The following PRDM15 variants were observed in gnomAD, a reference collection of about 807,000 sequenced individuals.
PRDM15 encodes PR domain zinc finger protein 15.
In PRDM15, 64 loss-of-function variants were observed where a neutral mutation model predicts 128.6. That is an observed-to-expected ratio of 0.50 (90% CI 0.41 to 0.61). The LOEUF (loss-of-function observed/expected upper bound fraction) is 0.61, where lower values mean the gene tolerates loss of function less well. PRDM15 is among the 20% of genes least tolerant of loss of function. The probability of loss-of-function intolerance (pLI) is 0.00; values close to 1 mark genes in which losing one functional copy is unlikely to be tolerated. For missense variants in PRDM15, 1,242 were observed against 1,569.1 expected (o/e 0.79, Z 3.52); for synonymous variants, 615 against 621.8 (o/e 0.99, Z 0.16).
chr21:41,827,402 A>G (rs2062509032), intron 12 of PRDM15, among the ~76,000 whole-genome samples: 1 of 152,194 alleles, frequency 6.6e-6, no homozygotes, highest in Non-Finnish European at 1.5e-5. Context: ...TGCTCTGGAA[A>G]GCAGTGATGC....
intron 18 of PRDM15, among the ~76,000 whole-genome samples, chr21:41,818,255 G>A (rs1197863162): frequency 6.6e-6 from 1 of 152,232 alleles, no homozygotes; most frequent in Non-Finnish European, 1.5e-5. Context: ...AAGGCAGGCA[G>A]ACACTGCTAC....
intron 1 of PRDM15, among the ~76,000 whole-genome samples, chr21:41,873,264 T>C (rs1569028899): frequency 6.6e-6 from 1 of 152,198 alleles, no homozygotes; most frequent in African/African-American, 2.4e-5. Flanking sequence ...CATTTTCCCG[T>C]AGTTTCCGTA....
intron 1 of PRDM15, chr21:41,867,294 C>T (rs893101104): frequency 3.7e-6 from 6 of 1,611,322 alleles, no homozygotes; most frequent in Non-Finnish European, 5.1e-6. Context: ...CTACTCTAGC[C>T]CTGACCTCCT....
At chr21:41,816,303 C>T (rs1328524030) in intron 18 of PRDM15, among the ~76,000 whole-genome samples, 1 of 152,248 alleles carries the variant, frequency 6.6e-6, no homozygotes, top group East Asian at 1.9e-4. Flanking sequence ...CAAAGCCTCA[C>T]TCACACAGCC....
intron 1 of PRDM15, among the ~76,000 whole-genome samples, chr21:41,864,586 G>A (rs773072590): frequency 2.6e-5 from 4 of 151,830 alleles, no homozygotes; most frequent in Admixed American, 6.6e-5. Flanking sequence ...GACCTCTCTC[G>A]CCTCCCTCTG....
At chr21:41,843,568 C>T (rs943401647) in intron 6 of PRDM15, among the ~76,000 whole-genome samples, 1 of 152,210 alleles carries the variant, frequency 6.6e-6, no homozygotes, top group Non-Finnish European at 1.5e-5. Context: ...ACTCCTTTCC[C>T]AAACTCTCCT....
chr21:41,821,751 C>T lies in PRDM15; in HGVS notation c.1896+152G>A, dbSNP rs1323244641. On this transcript the variant is annotated intron_variant, in intron 15 of 23. Coordinates refer to ENST00000398548, the MANE Select transcript of PRDM15 (RefSeq NM_001040424.3). The surrounding 1 kb of genome is among the most constrained non-coding windows in gnomAD (Gnocchi z 5.4). The stretch of plus-strand genomic sequence containing the variant: ...CCAGGCACAAGTGATGGACAGGCAC[C>T]CAGTCTGCAGTAGGACCACTGGCCG... 4 of 906,414 alleles carry T rather than the reference C, an allele frequency of 4.4e-6. No individual in the cohort carries two copies. The East Asian group carries it at 1.0e-4, about 23-fold the overall frequency. The allele number at this position is 906,414 out of a possible 1,614,324, so 56.1% of individuals were successfully genotyped here.
At chr21:41,875,464 C>A (rs746105585) in intron 1 of PRDM15, among the ~76,000 whole-genome samples, 4 of 152,250 alleles carry the variant, frequency 2.6e-5, no homozygotes, top group Non-Finnish European at 4.4e-5. Context: ...AACTGTTCAT[C>A]CCTGTTTTAA....
chr21:41,834,530 G>T (rs767480821), intron 11 of PRDM15: 2 of 1,550,242 alleles, frequency 1.3e-6, no homozygotes, highest in Non-Finnish European at 1.7e-6. Flanking sequence ...GCCGACTGCC[G>T]CCGGGCCCCC....
chr21:41,868,694 C>CTTT (rs55653735), intron 1 of PRDM15, among the ~76,000 whole-genome samples: 32,939 of 124,872 alleles, frequency 0.26, 5,053 homozygotes, highest in South Asian at 0.3. Context: ...TTTTCTTTTT[C>CTTT]TTTTTTTTTT....
chr21:41,808,386 C>T (rs1177648330), intron 21 of PRDM15, among the ~76,000 whole-genome samples: 1 of 152,204 alleles, frequency 6.6e-6, no homozygotes. Context: ...CCCTGGCTTC[C>T]CGGACTGGAG....
chr21:41,876,533 G>A (rs1450024302), intron 1 of PRDM15, among the ~76,000 whole-genome samples: 1 of 152,186 alleles, frequency 6.6e-6, no homozygotes, highest in Non-Finnish European at 1.5e-5. Context: ...GCCCACGGGG[G>A]AGCCACTCCC....
chr21:41,821,166 T>C lies in PRDM15; in HGVS notation c.1961A>G (p.Tyr654Cys). Residue 654 changes from tyrosine to cysteine, a missense_variant, in exon 16 of 24, where the codon TAT (tyrosine) becomes TGT (cysteine). Tyr to Cys is a radical substitution (Grantham distance 194). Coordinates refer to ENST00000398548, the MANE Select transcript of PRDM15 (RefSeq NM_001040424.3). The surrounding 1 kb of genome is among the most constrained non-coding windows in gnomAD (Gnocchi z 5.4). The stretch of plus-strand genomic sequence containing the variant: ...GCGCCGGTTGCAGATGCTGCAGCCA[T>C]AGCCCTTCTCCTTGTGCACCTCCAT... ...HIMEVHKEKG[Y>C]GCSICNRRFA... 6.2e-7 allele frequency: 1 copy of C among 1,614,188 alleles called. No individual in the cohort carries two copies. The highest frequency in any genetic ancestry group is 8.5e-7 in the Non-Finnish European group (1 of 1,180,016).
At chr21:41,824,806 T>G (rs1385058853) in intron 13 of PRDM15, among the ~76,000 whole-genome samples, 5 of 152,166 alleles carry the variant, frequency 3.3e-5, no homozygotes, top group Admixed American at 2.0e-4. Context: ...GCTTGCTCTG[T>G]GGTTTGAAAA....
intron 11 of PRDM15, among the ~76,000 whole-genome samples, chr21:41,829,554 A>T (rs982932640): frequency 3.8e-4 from 54 of 142,456 alleles, no homozygotes; most frequent in African/African-American, 1.4e-3. Context: ...CTCAACATAC[A>T]CCACATACAC....
At chr21:41,803,141 G>A (rs2061462373) in intron 22 of PRDM15, 1 of 577,450 alleles carries the variant, frequency 1.7e-6, no homozygotes, top group Non-Finnish European at 3.1e-6. Flanking sequence ...ATACATGCAA[G>A]TCATATTTTT....
At chr21:41,866,955 C>T (rs1015697373) in intron 1 of PRDM15, among the ~76,000 whole-genome samples, 8 of 152,218 alleles carry the variant, frequency 5.3e-5, no homozygotes, top group Non-Finnish European at 7.4e-5. Context: ...TCAGTACAAA[C>T]AGGGAAAGGT....
intron 11 of PRDM15, chr21:41,834,476 C>A (rs1205350532): frequency 2.0e-5 from 31 of 1,544,838 alleles, no homozygotes; most frequent in Non-Finnish European, 2.5e-5. Flanking sequence ...AGCAGGCGGA[C>A]AAGGACGGGG....
chr21:41,825,508 T>C (rs1431024539), intron 13 of PRDM15, among the ~76,000 whole-genome samples: 1 of 152,224 alleles, frequency 6.6e-6, no homozygotes, highest in Non-Finnish European at 1.5e-5. Context: ...GCACCTGCCA[T>C]GGGATCGGCC....
Sources: allele counts gnomAD v4.1 joint callset (sites outside exome capture counted in the v4.1 genomes callset), GRCh38; gene constraint gnomAD v4.1.1; non-coding constraint Gnocchi (gnomAD v3.1); transcripts MANE v1.5; gene names NCBI Gene and HGNC (gene_info 2026-07-23, HGNC 2026-07-21).